CCSER1: variants seen among roughly 807,000 people sequenced by gnomAD.
CCSER1 encodes the protein coiled-coil serine rich protein 1.
CCSER1 carries 41 observed loss-of-function variants against 82.0 expected under a neutral mutation model. The observed-to-expected ratio is 0.50, with a 90% CI of 0.39 to 0.65. The LOEUF is 0.65. Among genes scored for constraint, CCSER1 ranks in the 30% least tolerant of loss-of-function variants. CCSER1 has a pLI of 0.00. For missense variants in CCSER1, 1,119 were observed against 1,064.2 expected, an observed-to-expected ratio of 1.05 and a Z score of -0.72; for synonymous variants, 414 against 383.9, an observed-to-expected ratio of 1.08 and a Z score of -0.92.
intron 1 of CCSER1, among the ~76,000 whole-genome samples, chr4:90,271,856 ATATATATTTTTTTTTTTTTTTTTT>A (rs1266251218): frequency 7.7e-5 from 2 of 26,112 alleles, no homozygotes; most frequent in African/African-American, 6.2e-4. Context: ...ATATATATAT[ATATATATTTTTTTTTTTTTTTTTT>A]TTTTTTTTTT....
At chr4:90,853,005 G>A (rs1049629031) in intron 8 of CCSER1, among the ~76,000 whole-genome samples, 1 of 151,950 alleles carries the variant, frequency 6.6e-6, no homozygotes, top group African/African-American at 2.4e-5. Context: ...CAGTGATTTG[G>A]GATGACTTTG....
intron 10 of CCSER1, among the ~76,000 whole-genome samples, chr4:91,095,115 T>G (rs1724371595): frequency 6.6e-6 from 1 of 152,132 alleles, no homozygotes; most frequent in South Asian, 2.1e-4. Flanking sequence ...AACCGAAAAC[T>G]TAATGTCCTT....
chr4:90,305,756 T>A (rs963245015), intron 1 of CCSER1, among the ~76,000 whole-genome samples: 1 of 152,180 alleles, frequency 6.6e-6, no homozygotes, highest in Non-Finnish European at 1.5e-5. Flanking sequence ...ACAGCCTCTA[T>A]GGAACACAGT....
intron 3 of CCSER1, among the ~76,000 whole-genome samples, chr4:90,360,836 G>GATTGT (rs1460831358): frequency 5.3e-5 from 8 of 152,118 alleles, no homozygotes; most frequent in Non-Finnish European, 1.0e-4. Context: ...TCAAAGAAAA[G>GATTGT]ATTGTATACC....
At chr4:91,062,871 T>C (rs1355632163) in intron 9 of CCSER1, among the ~76,000 whole-genome samples, 1 of 152,132 alleles carries the variant, frequency 6.6e-6, no homozygotes, top group East Asian at 1.9e-4. Flanking sequence ...CCCTTAATAT[T>C]GTTGTACCTT....
intron 10 of CCSER1, among the ~76,000 whole-genome samples, chr4:91,219,152 AATTT>A (rs1393043531): frequency 6.6e-6 from 1 of 152,120 alleles, no homozygotes; most frequent in African/African-American, 2.4e-5. Flanking sequence ...AAGTTTCTTA[AATTT>A]ATTCTAATCA....
At chr4:90,457,207 G>T (rs893046586) in intron 4 of CCSER1, among the ~76,000 whole-genome samples, 6 of 152,282 alleles carry the variant, frequency 3.9e-5, no homozygotes, top group South Asian at 2.1e-4. Context: ...GGAACACTTT[G>T]TCACCCAGCA....
chr4:90,898,267 A>ATTTTTTTTTT (rs1439532109), intron 8 of CCSER1, among the ~76,000 whole-genome samples: 4 of 55,372 alleles, frequency 7.2e-5, no homozygotes, highest in Non-Finnish European at 1.6e-4. Flanking sequence ...TCTTTAATCC[A>ATTTTTTTTTT]TCTTTTTTTT....
chr4:90,238,631 C>T (rs1299259953), intron 1 of CCSER1, among the ~76,000 whole-genome samples: 1 of 152,010 alleles, frequency 6.6e-6, no homozygotes, highest in Non-Finnish European at 1.5e-5. Flanking sequence ...CCGTGGGTAC[C>T]TATCACTTCC....
At chr4:91,277,780 C>G (rs1037550208) in intron 10 of CCSER1, among the ~76,000 whole-genome samples, 4 of 151,720 alleles carry the variant, frequency 2.6e-5, no homozygotes, top group Admixed American at 1.3e-4. Context: ...TCATTGCATG[C>G]TTAGAAATCT....
intron 1 of CCSER1, among the ~76,000 whole-genome samples, chr4:90,295,187 G>A (rs1449709871): frequency 1.3e-5 from 2 of 151,866 alleles, no homozygotes; most frequent in African/African-American, 2.4e-5. Context: ...GAGCAGATCT[G>A]TGAGTATTAT....
chr4:90,578,613 A>G (rs1781039452), intron 5 of CCSER1, among the ~76,000 whole-genome samples: 1 of 152,206 alleles, frequency 6.6e-6, no homozygotes, highest in Admixed American at 6.5e-5. Context: ...TCCAATATCC[A>G]GAATATTCTC....
chr4:91,034,479 T>C (rs72667538), intron 9 of CCSER1, among the ~76,000 whole-genome samples: 5,823 of 152,264 alleles, frequency 0.038, 161 homozygotes, highest in Non-Finnish European at 0.06. Flanking sequence ...AGAGCACAAG[T>C]TGTTACTTTT....
intron 1 of CCSER1, among the ~76,000 whole-genome samples, chr4:90,214,943 G>A (rs28711243): frequency 6.6e-6 from 1 of 151,888 alleles, no homozygotes; most frequent in Non-Finnish European, 1.5e-5. Flanking sequence ...TTCAATTTGT[G>A]TTTGATTGTA....
chr4:90,683,314 G>T (rs1022769952), intron 6 of CCSER1, among the ~76,000 whole-genome samples: 1 of 151,940 alleles, frequency 6.6e-6, no homozygotes, highest in Non-Finnish European at 1.5e-5. Context: ...AAGAAATTAT[G>T]CCCCTTTCTC....
chr4:91,182,851 C>T (rs1241212260), intron 10 of CCSER1, among the ~76,000 whole-genome samples: 1 of 152,178 alleles, frequency 6.6e-6, no homozygotes, highest in African/African-American at 2.4e-5. Context: ...TGTTAGGTTC[C>T]AGTCCTCGAG....
intron 10 of CCSER1, among the ~76,000 whole-genome samples, chr4:91,420,933 G>C (rs1251083167): frequency 1.3e-5 from 2 of 152,170 alleles, no homozygotes; most frequent in Non-Finnish European, 2.9e-5. Context: ...AGGGTATTAT[G>C]CTAAGTGAAA....
intron 5 of CCSER1, among the ~76,000 whole-genome samples, chr4:90,604,944 G>T (rs574419953): frequency 3.9e-5 from 6 of 152,328 alleles, no homozygotes; most frequent in Admixed American, 3.3e-4. Flanking sequence ...TGTGGATGGG[G>T]TCAGATAAGG....
chr4:90,345,419 A>T (rs970056481), intron 3 of CCSER1, among the ~76,000 whole-genome samples: 4 of 152,066 alleles, frequency 2.6e-5, no homozygotes, highest in Non-Finnish European at 5.9e-5. Context: ...GCAGAAGTTT[A>T]TTGTTGGTTA....
Sources: allele counts gnomAD v4.1 joint callset (sites outside exome capture counted in the v4.1 genomes callset), GRCh38; gene constraint gnomAD v4.1.1; transcripts MANE v1.5; gene names NCBI Gene and HGNC (gene_info 2026-07-23, HGNC 2026-07-21).